Variants in ETV1 observed in about 807,000 individuals in gnomAD.
ETV1 encodes ETS translocation variant 1.
A neutral mutation model predicts 62.3 loss-of-function variants in ETV1; 27 were observed. That is an observed-to-expected ratio of 0.43 (90% CI 0.32 to 0.60). The LOEUF is 0.60. ETV1 is among the 20% of genes least tolerant of loss of function. The probability of loss-of-function intolerance (pLI) is 0.06; values close to 1 mark genes in which losing one functional copy is unlikely to be tolerated. For synonymous variants in ETV1, 222 were observed against 199.6 expected (o/e 1.11, Z -0.94); for missense variants, 605 against 605.8 (o/e 1.00, Z 0.01).
chr7:13,948,673 A>T (rs1285744277), intron 6 of ETV1, among the ~76,000 whole-genome samples: 1 of 152,114 alleles, frequency 6.6e-6, no homozygotes, highest in Non-Finnish European at 1.5e-5. Context: ...TGTAACAGAA[A>T]CCATATGGCC....
intron 9 of ETV1, among the ~76,000 whole-genome samples, chr7:13,930,800 T>G (rs10950499): frequency 7.6e-6 from 1 of 131,992 alleles, no homozygotes; most frequent in African/African-American, 2.6e-5. Flanking sequence ...ATATATATTT[T>G]TTTTTTTTTG....
chr7:13,985,959 C>G (rs1249916054), intron 5 of ETV1, among the ~76,000 whole-genome samples: 2 of 152,136 alleles, frequency 1.3e-5, no homozygotes, highest in East Asian at 3.9e-4. Context: ...TAAATGTATC[C>G]TTGCTCTATT....
intron 13 of ETV1, among the ~76,000 whole-genome samples, chr7:13,896,692 G>A (rs377482942): frequency 7.9e-5 from 3 of 37,976 alleles, no homozygotes; most frequent in East Asian, 6.4e-4. Context: ...AGAAAGAAAA[G>A]AGAGAGAGAA....
intron 9 of ETV1, among the ~76,000 whole-genome samples, chr7:13,928,289 G>A (rs1785664268): frequency 6.6e-6 from 1 of 152,126 alleles, no homozygotes; most frequent in African/African-American, 2.4e-5. Flanking sequence ...TAAATATGAG[G>A]AGAAGATATA....
chr7:13,916,231 A>C (rs891456740), intron 9 of ETV1, among the ~76,000 whole-genome samples: 1 of 152,226 alleles, frequency 6.6e-6, no homozygotes, highest in African/African-American at 2.4e-5. Context: ...CTTACTTCAC[A>C]ATAGCTCGGA....
chr7:13,903,808 G>C (rs1782687050), intron 12 of ETV1, among the ~76,000 whole-genome samples: 1 of 151,144 alleles, frequency 6.6e-6, no homozygotes, highest in Non-Finnish European at 1.5e-5. Context: ...AATTCCCTAG[G>C]AGACATGACT....
chr7:13,921,147 A>G (rs1450500460), intron 9 of ETV1, among the ~76,000 whole-genome samples: 1 of 152,210 alleles, frequency 6.6e-6, no homozygotes, highest in Admixed American at 6.5e-5. Context: ...TTTTAGAGTT[A>G]GGAGGGAAAA....
At position 13,892,907 on chromosome 7, in the gene ETV1, T is replaced by C. The variant is rs1583532054; in HGVS notation, c.*2959A>G. 2 of 231,898 alleles carry C rather than the reference T, an allele frequency of 8.6e-6. No individual in the cohort carries two copies. The highest frequency in any genetic ancestry group is 6.1e-5 in the East Asian group (1 of 16,388). 14.4% of individuals were successfully genotyped at this position (231,898 alleles called of 1,614,324 possible). On this transcript the variant is annotated 3_prime_UTR_variant, in exon 14 of 14. Coordinates refer to ENST00000430479, the MANE Select transcript of ETV1 (RefSeq NM_004956.5). ...AGTCTCTTAAGGCTTCTTTTGAACT[T>C]CTGCCTCCAGAACTATAAGATAAAT... is the stretch of plus-strand genomic sequence containing the variant.
chr7:13,932,069 CA>C (rs1554298801), intron 8 of ETV1, among the ~76,000 whole-genome samples: 1 of 151,392 alleles, frequency 6.6e-6, no homozygotes, highest in African/African-American at 2.4e-5. Context: ...CACACACACA[CA>C]ACGATTAATG....
At chr7:13,966,976 C>T (rs749858853) in intron 6 of ETV1, among the ~76,000 whole-genome samples, 4 of 152,092 alleles carry the variant, frequency 2.6e-5, no homozygotes, top group Admixed American at 6.6e-5. Flanking sequence ...TATAAACCTA[C>T]GTAACACCTG....
At chr7:13,945,222 C>T (rs1005056725) in intron 6 of ETV1, among the ~76,000 whole-genome samples, 6 of 152,128 alleles carry the variant, frequency 3.9e-5, no homozygotes, top group African/African-American at 2.4e-5. Context: ...CATAATTGAG[C>T]AAATTTGAAT....
At chr7:13,984,948 C>G (rs1377140609) in intron 5 of ETV1, among the ~76,000 whole-genome samples, 1 of 145,028 alleles carries the variant, frequency 6.9e-6, no homozygotes, top group Non-Finnish European at 1.5e-5. Context: ...AGTACTGAAA[C>G]TGATTATAAA....
In ETV1 at chr7:13,891,494, C is replaced by A. The variant is rs1468933289; in HGVS notation, c.*4372G>T. On this transcript the variant is annotated 3_prime_UTR_variant, in exon 14 of 14. Transcript: ENST00000430479. ...GTATATACACTTGTAACTGAAAATT[C>A]TGAAATCATTAATATTTCTATAAAG... The A allele has an allele frequency of 4.3e-6, 1 of 231,504 alleles. No individual in the cohort carries two copies. The highest frequency in any genetic ancestry group is 8.5e-6 in the Non-Finnish European group (1 of 117,156). 14.3% of individuals were successfully genotyped at this position (231,504 alleles called of 1,614,324 possible).
intron 6 of ETV1, among the ~76,000 whole-genome samples, chr7:13,951,857 G>T (rs1788850413): frequency 6.6e-6 from 1 of 152,124 alleles, no homozygotes; most frequent in South Asian, 2.1e-4. Flanking sequence ...CTGACATGTG[G>T]CAAGTACTCA....
intron 9 of ETV1, among the ~76,000 whole-genome samples, chr7:13,925,846 G>GACTGGAAAAGATTTTAAACCCTCC (rs1785361399): frequency 6.6e-6 from 1 of 151,776 alleles, no homozygotes. Context: ...ATGAGCCACC[G>GACTGGAAAAGATTTTAAACCCTCC]CGCCTGGCCC....
chr7:13,937,792 T>A (rs1037572755), intron 7 of ETV1, among the ~76,000 whole-genome samples: 16 of 152,236 alleles, frequency 1.1e-4, no homozygotes, highest in Non-Finnish European at 2.2e-4. Flanking sequence ...CAAGAGACCT[T>A]TTTTATAAAA....
intron 9 of ETV1, among the ~76,000 whole-genome samples, chr7:13,925,805 C>T (rs1421410332): frequency 2.6e-5 from 4 of 151,986 alleles, no homozygotes; most frequent in Non-Finnish European, 5.9e-5. Flanking sequence ...ATCCGCCCAC[C>T]TCGCCCTCCC....
chr7:13,934,780 C>T (rs1786602190), intron 8 of ETV1, among the ~76,000 whole-genome samples: 1 of 152,228 alleles, frequency 6.6e-6, no homozygotes, highest in East Asian at 1.9e-4. Flanking sequence ...CTTTGCAACT[C>T]GGCATTCAGG....
At chr7:13,904,663 G>A (rs1361572752) in intron 12 of ETV1, among the ~76,000 whole-genome samples, 3 of 151,954 alleles carry the variant, frequency 2.0e-5, no homozygotes, top group Non-Finnish European at 2.9e-5. Flanking sequence ...ACAGGTGAAG[G>A]GAAATAACTG....
Sources: allele counts gnomAD v4.1 joint callset (sites outside exome capture counted in the v4.1 genomes callset), GRCh38; gene constraint gnomAD v4.1.1; transcripts MANE v1.5; gene names NCBI Gene and HGNC (gene_info 2026-07-23, HGNC 2026-07-21).